VEGFC: variants seen among roughly 807,000 people sequenced by gnomAD.
VEGFC encodes the protein vascular endothelial growth factor C.
In VEGFC, 12 loss-of-function variants were observed where a neutral mutation model predicts 46.1. The observed-to-expected ratio is 0.26, with a 90% CI of 0.17 to 0.42. The LOEUF is 0.42. Among genes scored for constraint, VEGFC ranks in the 10% least tolerant of loss-of-function variants. VEGFC has a pLI of 1.00. For missense variants in VEGFC, 488 were observed against 529.4 expected, an observed-to-expected ratio of 0.92 and a Z score of 0.77; for synonymous variants, 232 against 195.5, an observed-to-expected ratio of 1.19 and a Z score of -1.56.
chr4:176,740,819 T>C (rs1158947834), intron 1 of VEGFC, among the ~76,000 whole-genome samples: 3 of 151,914 alleles, frequency 2.0e-5, no homozygotes, highest in South Asian at 2.1e-4. Flanking sequence ...TTTTGTTTCA[T>C]TGCACCTTAA....
rs540013216 is a variant in VEGFC at position 176,722,090 on chromosome 4, A to G, written c.552+5688T>C. Among the ~76,000 whole-genome samples, 3 of 152,280 alleles carry G rather than the reference A, an allele frequency of 2.0e-5. No homozygotes were observed. In the South Asian group the frequency reaches 6.2e-4, roughly 32 times the overall value. ...CTGCATTACAGATCAGAATGTATAA[A>G]TATTGTGATTATTGTAAATATATAG... On this transcript the variant is annotated intron_variant, in intron 3 of 6. Coordinates refer to ENST00000618562, the MANE Select transcript of VEGFC (RefSeq NM_005429.5).
At chr4:176,769,295 C>A (rs376002619) in intron 1 of VEGFC, among the ~76,000 whole-genome samples, 1 of 152,030 alleles carries the variant, frequency 6.6e-6, no homozygotes, top group Non-Finnish European at 1.5e-5. Context: ...ACTAAGACAC[C>A]CTGTGACCCT....
chr4:176,712,028 A>G (rs933064730), intron 3 of VEGFC, among the ~76,000 whole-genome samples: 4 of 152,300 alleles, frequency 2.6e-5, no homozygotes, highest in South Asian at 4.1e-4. Context: ...AAAGTGTCAC[A>G]CACAGAAACA....
At chr4:176,740,361 ATATATTCTATATATAGT>A (rs1366409257) in intron 1 of VEGFC, among the ~76,000 whole-genome samples, 11 of 121,102 alleles carry the variant, frequency 9.1e-5, no homozygotes, top group African/African-American at 3.0e-4. Flanking sequence ...ATATAGTTAT[ATATATTCTATATATAGT>A]TATATATAAC....
chr4:176,702,339 T>C (rs1270101470), intron 4 of VEGFC, among the ~76,000 whole-genome samples: 1 of 151,978 alleles, frequency 6.6e-6, no homozygotes, highest in African/African-American at 2.4e-5. Flanking sequence ...TTTTTTTTCC[T>C]CATCTTTTTT....
At chr4:176,758,442 A>G (rs1456263307) in intron 1 of VEGFC, among the ~76,000 whole-genome samples, 2 of 152,154 alleles carry the variant, frequency 1.3e-5, no homozygotes, top group African/African-American at 4.8e-5. Flanking sequence ...AGCATCAATC[A>G]TACCAGACAC....
At chr4:176,767,236 A>G (rs981260699) in intron 1 of VEGFC, among the ~76,000 whole-genome samples, 1 of 152,150 alleles carries the variant, frequency 6.6e-6, no homozygotes, top group Admixed American at 6.5e-5. Flanking sequence ...AAGATGTCCA[A>G]CTTCATCAGT....
At chr4:176,725,134 T>G (rs1316837108) in intron 3 of VEGFC, among the ~76,000 whole-genome samples, 1 of 152,188 alleles carries the variant, frequency 6.6e-6, no homozygotes, top group Non-Finnish European at 1.5e-5. Flanking sequence ...TTACCCTGAT[T>G]TGATCATTAC....
In VEGFC at chr4:176,748,155, C is replaced by T. The variant is rs900387692; in HGVS notation, c.148-18409G>A. 2.0e-5 allele frequency among the ~76,000 whole-genome samples: 3 copies of T among 152,086 alleles called. No individual in the cohort carries two copies. In the East Asian group the frequency reaches 5.8e-4, roughly 29 times the overall value. ...ACATAGGCCCATTATTAGGTGACGA[C>T]ATACATACAATTTATTTTAAAACAA... On this transcript the variant is annotated intron_variant, in intron 1 of 6. Transcript: ENST00000618562.
In VEGFC at chr4:176,758,614, C is replaced by T. The variant is rs547605439; in HGVS notation, c.148-28868G>A. ...AGTAGCTTCCCAAATCGACAGCTTT[C>T]TGACTTGCTGCATTTCTTGCTCTGA... On this transcript the variant is annotated intron_variant, in intron 1 of 6. Transcript: ENST00000618562. 1.5e-3 allele frequency among the ~76,000 whole-genome samples: 229 copies of T among 152,276 alleles called. 1 individual carries two copies. The highest frequency in any genetic ancestry group is 4.1e-3 in the South Asian group (20 of 4,826).
intron 1 of VEGFC, among the ~76,000 whole-genome samples, chr4:176,763,048 G>A (rs548972300): frequency 4.4e-4 from 67 of 152,344 alleles, no homozygotes; most frequent in African/African-American, 1.5e-3. Context: ...TCCTCCTTGG[G>A]ATATAATCAG....
intron 4 of VEGFC, among the ~76,000 whole-genome samples, chr4:176,707,907 G>T (rs1734562062): frequency 6.6e-6 from 1 of 151,932 alleles, no homozygotes; most frequent in Non-Finnish European, 1.5e-5. Context: ...GCTTATGCTT[G>T]GTCCTTGGTG....
intron 1 of VEGFC, among the ~76,000 whole-genome samples, chr4:176,779,906 T>C (rs1735879538): frequency 6.6e-6 from 1 of 152,198 alleles, no homozygotes; most frequent in Admixed American, 6.5e-5. Flanking sequence ...CAGAACTTTG[T>C]GTGCTATTAA....
chr4:176,691,047 T>C lies in VEGFC; in HGVS notation c.705-3120A>G, dbSNP rs78388835. On this transcript the variant is annotated intron_variant, in intron 4 of 6. Coordinates refer to ENST00000618562, the MANE Select transcript of VEGFC (RefSeq NM_005429.5). ...ACCAATAGAATGCATGTGATACAGA[T>C]TGGTTCCTAAAGAAAGCACCGTGCT... Among the ~76,000 whole-genome samples the C allele has an allele frequency of 4.3e-3, 650 of 152,292 alleles. 3 individuals carry two copies. Among genetic ancestry groups the C allele is most frequent in the African/African-American group, 0.015 (606 of 41,566 alleles).
chr4:176,736,430 C>T (rs1294882696), intron 1 of VEGFC, among the ~76,000 whole-genome samples: 1 of 150,950 alleles, frequency 6.6e-6, no homozygotes, highest in Non-Finnish European at 1.5e-5. Flanking sequence ...ACCTGTGGAA[C>T]TTGAGTACAT....
At chr4:176,777,234 T>G (rs866939951) in intron 1 of VEGFC, among the ~76,000 whole-genome samples, 2 of 152,068 alleles carry the variant, frequency 1.3e-5, no homozygotes, top group Admixed American at 6.5e-5. Context: ...GGACAATGGC[T>G]TGAACCCAGG....
chr4:176,763,772 T>A (rs1010977545), intron 1 of VEGFC, among the ~76,000 whole-genome samples: 13 of 152,200 alleles, frequency 8.5e-5, no homozygotes, highest in African/African-American at 1.2e-4. Flanking sequence ...TTTACTAAAT[T>A]TACTATGTGA....
chr4:176,773,968 C>T (rs1735765610), intron 1 of VEGFC, among the ~76,000 whole-genome samples: 1 of 151,862 alleles, frequency 6.6e-6, no homozygotes, highest in African/African-American at 2.4e-5. Context: ...ATTTAATATA[C>T]TTTACTTAAC....
intron 1 of VEGFC, among the ~76,000 whole-genome samples, chr4:176,762,614 A>G (rs1408090550): frequency 2.6e-5 from 4 of 152,228 alleles, no homozygotes; most frequent in African/African-American, 9.6e-5. Context: ...ACAGTTCGGT[A>G]GAAGACTCTT....
Sources: allele counts gnomAD v4.1 joint callset (sites outside exome capture counted in the v4.1 genomes callset), GRCh38; gene constraint gnomAD v4.1.1; transcripts MANE v1.5; gene names NCBI Gene and HGNC (gene_info 2026-07-23, HGNC 2026-07-21).